Variants in LRCH1 observed in about 807,000 individuals in gnomAD.
The protein encoded by LRCH1 is leucine-rich repeat and calponin homology domain-containing protein 1.
LRCH1 carries 23 observed loss-of-function variants against 94.9 expected under a neutral mutation model. That is an observed-to-expected ratio of 0.24 (90% confidence interval 0.17 to 0.34). The LOEUF is 0.34. LRCH1 is among the 10% of genes least tolerant of loss of function. The pLI is 1.00. For missense variants in LRCH1, 790 were observed against 945.9 expected (o/e 0.84, Z 2.16); for synonymous variants, 364 against 354.9 (o/e 1.03, Z -0.29).
At chr13:46,692,427 C>A in intron 7 of LRCH1, 109 bp from the exon 8 acceptor site, 6 of 775,904 alleles carry the variant, frequency 7.7e-6, no homozygotes, top group Admixed American at 2.3e-5. Context: ...AACTTATATT[C>A]AATATGATAT....
At chr13:46,666,741 G>A (rs7986036) in intron 2 of LRCH1, among the ~76,000 whole-genome samples, 96,935 of 152,014 alleles carry the variant, frequency 0.64, 31,366 homozygotes, top group Middle Eastern at 0.72. Flanking sequence ...CAAATTATTT[G>A]CTTGCCACCT....
At chr13:46,579,089 CA>C (rs2050336453) in intron 1 of LRCH1, among the ~76,000 whole-genome samples, 1 of 152,128 alleles carries the variant, frequency 6.6e-6, no homozygotes, top group Admixed American at 6.6e-5. Context: ...GCTGCATTCT[CA>C]AGAATTTGTA....
chr13:46,744,742 A>T lies in LRCH1; in HGVS notation c.*2894A>T. On this transcript the variant is annotated 3_prime_UTR_variant, in exon 20 of 20. Transcript: ENST00000389797. ...TGTTTTGCCTTTGCCTGTGGGGAAA[A>T]AGTAGGGATGATATTTTAAAATTTT... 1.0e-6 allele frequency: 1 copy of T among 985,382 alleles called. No homozygotes were observed. Among genetic ancestry groups the T allele is most frequent in the South Asian group, 4.7e-5 (1 of 21,292 alleles). The allele number at this position is 985,382 out of a possible 1,614,324, so 61.0% of individuals were successfully genotyped here.
intron 1 of LRCH1, among the ~76,000 whole-genome samples, chr13:46,564,645 T>C (rs2050163223): frequency 1.3e-5 from 2 of 152,358 alleles, no homozygotes; most frequent in South Asian, 4.1e-4. Flanking sequence ...GCCACCCACC[T>C]GAGGGAGGCG....
At chr13:46,587,808 G>GAA (rs1203279646) in intron 1 of LRCH1, among the ~76,000 whole-genome samples, 1 of 152,126 alleles carries the variant, frequency 6.6e-6, no homozygotes, top group Non-Finnish European at 1.5e-5. Context: ...ATCTTAGCAT[G>GAA]GGTTAGAGGA....
At chr13:46,626,008 C>T (rs2050944637) in intron 1 of LRCH1, among the ~76,000 whole-genome samples, 1 of 152,156 alleles carries the variant, frequency 6.6e-6, no homozygotes, top group South Asian at 2.1e-4. Flanking sequence ...TTCCATTGTA[C>T]TTAATCTATG....
rs1262840802 is a variant in LRCH1, at chr13:46,705,252, T to G, written c.1491-16T>G. ...TTTCACTTTGTATCTTTTTTTTTCT[T>G]TCCTTGTTCTCACAGTGGTCAAATA... On this transcript the variant is annotated splice_polypyrimidine_tract_variant and intron_variant, in intron 12 of 19. Transcript: ENST00000389797. 6 of 1,605,148 alleles carry G rather than the reference T, an allele frequency of 3.7e-6. No homozygotes were observed. The highest frequency in any genetic ancestry group is 5.1e-6 in the Non-Finnish European group (6 of 1,177,282).
chr13:46,683,858 A>T (rs778247187), intron 4 of LRCH1, among the ~76,000 whole-genome samples: 24 of 152,202 alleles, frequency 1.6e-4, no homozygotes, highest in Admixed American at 3.9e-4. Context: ...GAAATTTCTT[A>T]AAAAAATAAC....
rs1872671592 is a variant in LRCH1 at position 46,723,325 on chromosome 13, C to T, written c.1864C>T (p.Arg622Cys). ...AGAGAAAGAGCTGGTGGAACAACTT[C>T]GTGAGGTACCCAAGAAATATTATGT... The part of the protein sequence containing the change: ...REEKELVEQL[R>C]ESIEMRLKVS... Residue 622 changes from arginine to cysteine, a missense_variant, in exon 17 of 20, where the codon CGT (arginine) becomes TGT (cysteine). Physicochemically the swap from Arg to Cys is radical, Grantham distance 180 (BLOSUM62 -3). This residue lies in a region of LRCH1 where 460 missense variants were observed against 508.9 expected (regional missense o/e 0.90). Coordinates refer to ENST00000389797, the MANE Select transcript of LRCH1 (RefSeq NM_001164211.2). 3 of 1,590,860 alleles carry T rather than the reference C, an allele frequency of 1.9e-6. No individual in the cohort carries two copies. The highest frequency in any genetic ancestry group is 1.7e-6 in the Non-Finnish European group (2 of 1,160,224).
At chr13:46,650,424 C>T in intron 2 of LRCH1, 79 bp downstream of exon 2, 2 of 1,272,926 alleles carry the variant, frequency 1.6e-6, no homozygotes, top group Admixed American at 2.9e-5. Context: ...TCCATTTTTT[C>T]CCCTTTTTGC....
chr13:46,621,466 A>G (rs2050878880), intron 1 of LRCH1, among the ~76,000 whole-genome samples: 1 of 152,276 alleles, frequency 6.6e-6, no homozygotes, highest in Admixed American at 6.5e-5. Flanking sequence ...AAAACAAGAA[A>G]AGGTTACTGA....
chr13:46,659,117 T>C (rs2051412526), intron 2 of LRCH1, among the ~76,000 whole-genome samples: 2 of 152,204 alleles, frequency 1.3e-5, no homozygotes. Context: ...TTTTTGCCTG[T>C]TGCAAAATTG....
In LRCH1 at chr13:46,589,880, T is replaced by A. The variant is rs184679468; in HGVS notation, c.307+36177T>A. ...CTTCACAAAGTGCTGGGATTACAAGTGTAAGCCACTGTGCCTGGGATTTTT... is the reference window on the plus strand; with the variant it reads ...CTTCACAAAGTGCTGGGATTACAAGAGTAAGCCACTGTGCCTGGGATTTTT... On this transcript the variant is annotated intron_variant, in intron 1 of 19. Transcript: ENST00000389797. Among the ~76,000 whole-genome samples, 33 of 151,642 alleles carry A rather than the reference T, an allele frequency of 2.2e-4. 1 individual carries two copies. In the East Asian group the frequency reaches 5.5e-3, roughly 25 times the overall value.
chr13:46,592,625 G>A (rs2050513165), intron 1 of LRCH1, among the ~76,000 whole-genome samples: 1 of 152,146 alleles, frequency 6.6e-6, no homozygotes, highest in South Asian at 2.1e-4. Context: ...AATATGTGAA[G>A]CACTTAAAAA....
chr13:46,589,526 C>T (rs2050474573), intron 1 of LRCH1, among the ~76,000 whole-genome samples: 1 of 150,932 alleles, frequency 6.6e-6, no homozygotes, highest in Admixed American at 6.6e-5. Context: ...AGTGCTCATG[C>T]ATTGCAATTC....
chr13:46,727,848 T>C (rs992005356), intron 17 of LRCH1, among the ~76,000 whole-genome samples: 10 of 152,212 alleles, frequency 6.6e-5, no homozygotes, highest in Non-Finnish European at 2.9e-5. Flanking sequence ...GTTTAATTTT[T>C]AAAAGAAGGA....
chr13:46,578,686 G>T (rs180731386), intron 1 of LRCH1, among the ~76,000 whole-genome samples: 23 of 152,284 alleles, frequency 1.5e-4, no homozygotes, highest in Admixed American at 1.4e-3. Context: ...TTAGCAACTG[G>T]GGCAGTCCCT....
At position 46,699,528 on chromosome 13, in the gene LRCH1, A is replaced by G. The variant is rs772375969; in HGVS notation, c.1313+125A>G. 53 of 810,246 alleles carry G rather than the reference A, an allele frequency of 6.5e-5. No individual in the cohort carries two copies. In the Middle Eastern group the frequency reaches 1.1e-3, roughly 17 times the overall value. 50.2% of individuals were successfully genotyped at this position (810,246 alleles called of 1,614,324 possible). A position where few individuals can be genotyped will look rare whatever the true frequency, so the allele number is the denominator to read the frequency against. On this transcript the variant is annotated intron_variant, in intron 10 of 19. Transcript: ENST00000389797. ...TGGGCAAGCTGATATTCTTACAGAC[A>G]ATATTGATAAGAAGTTGCCAGTTTT...
intron 1 of LRCH1, among the ~76,000 whole-genome samples, chr13:46,615,427 T>C (rs752709010): frequency 1.3e-5 from 2 of 152,120 alleles, no homozygotes; most frequent in Non-Finnish European, 2.9e-5. Flanking sequence ...CATTCATGAG[T>C]GATCCGTCCC....
Sources: gnomAD v4.1 joint callset for allele counts (sites outside exome capture counted in the v4.1 genomes callset) on GRCh38, gnomAD v4.1.1 for gene constraint, gnomAD v4.1.1 regional missense constraint, MANE v1.5 for transcripts, NCBI Gene and HGNC (gene_info 2026-07-23, HGNC 2026-07-21) for gene names.